The following OR52K1 variants were observed in gnomAD, a reference collection of about 807,000 sequenced individuals.
OR52K1 encodes olfactory receptor family 52 subfamily K member 1, also known as olfactory receptor 52K1.
Under a neutral mutation model 8.7 loss-of-function variants are expected in OR52K1, and 10 were observed. The ratio of observed to expected loss-of-function variants is 1.15; its 90% CI spans 0.71 to 1.95. The LOEUF (loss-of-function observed/expected upper bound fraction) is 1.95. Ranked by LOEUF, OR52K1 falls within the 30% of genes most tolerant of loss-of-function variation. OR52K1 has a pLI of 0.00. For missense variants in OR52K1, 431 were observed against 397.2 expected, an observed-to-expected ratio of 1.08 and a Z score of -0.72; for synonymous variants, 203 against 148.5, an observed-to-expected ratio of 1.37 and a Z score of -2.67.
In OR52K1 at chr11:4,492,573, G is replaced by A. The variant is rs554332008; in HGVS notation, c.*2728G>A. The A allele has an allele frequency of 2.0e-5, 3 of 152,314 alleles. No homozygotes were observed. The highest frequency in any genetic ancestry group is 4.1e-4 in the South Asian group (2 of 4,820). 9.4% of individuals were successfully genotyped at this position (152,314 alleles called of 1,614,324 possible). ...AGTTCTATCTTGCATTTCAACTCAT[G>A]ACAGCTCAAGACTGAATATTTAAAG... On this transcript the variant is annotated 3_prime_UTR_variant, in exon 2 of 2. Coordinates refer to ENST00000641528, the MANE Select transcript of OR52K1 (RefSeq NM_001005171.3).
chr11:4,485,348 G>A (rs566906366), intron 1 of OR52K1, among the ~76,000 whole-genome samples: 1 of 151,984 alleles, frequency 6.6e-6, no homozygotes, highest in African/African-American at 2.4e-5. Context: ...CAGTTTTGTG[G>A]CTTTAAATAT....
chr11:4,487,772 T>C (rs1653950017), intron 1 of OR52K1, among the ~76,000 whole-genome samples: 1 of 152,190 alleles, frequency 6.6e-6, no homozygotes, highest in Non-Finnish European at 1.5e-5. Context: ...AAGTACATTA[T>C]CTCATTTAAT....
chr11:4,483,952 T>G (rs777595613), intron 1 of OR52K1, among the ~76,000 whole-genome samples: 9 of 152,236 alleles, frequency 5.9e-5, no homozygotes, highest in Non-Finnish European at 7.3e-5. Flanking sequence ...AGAAGAGAAT[T>G]TTATTCTGAT....
chr11:4,489,408 T>A lies in OR52K1; in HGVS notation c.508T>A (p.Tyr170Asn). The change falls in exon 2 of 2, where the codon TAC becomes AAC. Residue 170 changes from tyrosine to asparagine, a missense_variant. Transcript: ENST00000641528. Reference sequence around the variant, plus strand: ...CCCCTTCCTGCTCAGACGCTTCCACTACTGCCGAGGCCCAGTGATTGCCCA... The same window carrying A: ...CCCCTTCCTGCTCAGACGCTTCCACAACTGCCGAGGCCCAGTGATTGCCCA... Reference protein sequence around the residue: ...PLPFLLRRFHYCRGPVIAHCY... With the variant: ...PLPFLLRRFHNCRGPVIAHCY... 6.2e-7 allele frequency: 1 copy of A among 1,614,224 alleles called. No individual in the cohort carries two copies.
At position 4,489,694 on chromosome 11, in the gene OR52K1, G is replaced by A. The variant is rs764742409; in HGVS notation, c.794G>A (p.Arg265His). 48 of 1,614,028 alleles carry A rather than the reference G, an allele frequency of 3.0e-5. 1 individual carries two copies. In the Middle Eastern group the frequency reaches 4.9e-4, roughly 17 times the overall value. The change falls in exon 2 of 2, where the codon CGT becomes CAT. Residue 265 changes from arginine (R) to histidine (H), a missense_variant. Coordinates refer to ENST00000641528, the MANE Select transcript of OR52K1 (RefSeq NM_001005171.3). ...GTAGTCATCTCTTCAGTCATGCACCGTGTAGCCCGCCATGCTGCCCCTCGT... is the reference window on the plus strand; with the variant it reads ...GTAGTCATCTCTTCAGTCATGCACCATGTAGCCCGCCATGCTGCCCCTCGT... Reference protein sequence around the residue: ...TPVVISSVMHRVARHAAPRVH... With the variant: ...TPVVISSVMHHVARHAAPRVH...
At chr11:4,486,230 A>C (rs547927658) in intron 1 of OR52K1, among the ~76,000 whole-genome samples, 4 of 152,340 alleles carry the variant, frequency 2.6e-5, no homozygotes, top group Admixed American at 2.6e-4. Context: ...AAATGCAAGG[A>C]AATCTACACT....
At chr11:4,484,916 T>A (rs1210499895) in intron 1 of OR52K1, among the ~76,000 whole-genome samples, 2 of 152,058 alleles carry the variant, frequency 1.3e-5, no homozygotes, top group Non-Finnish European at 2.9e-5. Context: ...TTACTTGCTG[T>A]CCTTTGCTTC....
chr11:4,483,822 G>A (rs892783617), intron 1 of OR52K1, among the ~76,000 whole-genome samples: 1 of 152,104 alleles, frequency 6.6e-6, no homozygotes, highest in African/African-American at 2.4e-5. Flanking sequence ...TTTCTTAGAC[G>A]CCAGGCATGT....
In OR52K1 at chr11:4,490,085, A is replaced by T. The variant is rs2133108887; in HGVS notation, c.*240A>T. ...ATTGTCATAGACTCATCACATGGCT[A>T]AGGAAGACAAACCTCTCAAAGTGGT... On this transcript the variant is annotated 3_prime_UTR_variant, in exon 2 of 2. Transcript: ENST00000641528. The T allele has an allele frequency of 6.3e-6, 3 of 473,618 alleles. No individual in the cohort carries two copies. In the East Asian group the frequency reaches 1.1e-4, roughly 17 times the overall value. 29.3% of individuals were successfully genotyped at this position (473,618 alleles called of 1,614,324 possible). A position where few individuals can be genotyped will look rare whatever the true frequency, so the allele number is the denominator to read the frequency against.
intron 1 of OR52K1, among the ~76,000 whole-genome samples, chr11:4,485,225 C>T (rs1269170562): frequency 3.3e-5 from 5 of 152,148 alleles, no homozygotes; most frequent in Non-Finnish European, 7.3e-5. Context: ...GTTTCCCTTG[C>T]GAATATCTCA....
At chr11:4,484,238 T>C (rs1846302852) in intron 1 of OR52K1, among the ~76,000 whole-genome samples, 1 of 152,178 alleles carries the variant, frequency 6.6e-6, no homozygotes, top group African/African-American at 2.4e-5. Context: ...AGGATAAATA[T>C]TGGAGAACAA....
rs1185131622 is a variant in OR52K1 at position 4,493,299 on chromosome 11, C to T, written c.*3454C>T. ...GAAACAGAGTCTTCTCTAACTCCCC[C>T]AGGGAAAGGGAGACTCCCTTTCTGG... On this transcript the variant is annotated 3_prime_UTR_variant, in exon 2 of 2. Coordinates refer to ENST00000641528, the MANE Select transcript of OR52K1 (RefSeq NM_001005171.3). 2 of 152,218 alleles carry T rather than the reference C, an allele frequency of 1.3e-5. No homozygotes were observed. The highest frequency in any genetic ancestry group is 4.8e-5 in the African/African-American group (2 of 41,444). The allele number at this position is 152,218 out of a possible 1,614,324, so 9.4% of individuals were successfully genotyped here. A position where few individuals can be genotyped will look rare whatever the true frequency, so the allele number is the denominator to read the frequency against.
In OR52K1 at chr11:4,489,732, CT is replaced by C; in HGVS notation, c.834del (p.Ala279LeufsTer57). The C allele has an allele frequency of 6.2e-7, 1 of 1,614,212 alleles. No individual in the cohort carries two copies. Among genetic ancestry groups the C allele is most frequent in the Non-Finnish European group, 8.5e-7 (1 of 1,180,034 alleles). On this transcript the variant is annotated frameshift_variant, in exon 2 of 2. Transcript: ENST00000641528. LOFTEE classifies it high-confidence loss of function. ...RHAAPRVHIL[L>X]AIFYLLFPPM... Reference sequence around the variant, plus strand: ...TGCTGCCCCTCGTGTCCACATACTCCTTGCTATTTTCTATCTCCTTTTCCCA... The same window carrying C: ...TGCTGCCCCTCGTGTCCACATACTCCTGCTATTTTCTATCTCCTTTTCCCA...
chr11:4,490,717 G>A lies in OR52K1; in HGVS notation c.*872G>A, dbSNP rs1471631086. The A allele has an allele frequency of 6.6e-6, 1 of 152,126 alleles. No homozygotes were observed. Among genetic ancestry groups the A allele is most frequent in the Non-Finnish European group, 1.5e-5 (1 of 68,030 alleles). 9.4% of individuals were successfully genotyped at this position (152,126 alleles called of 1,614,324 possible). ...TCAGTAATGGATCACCTATATGATG[G>A]TGATTGCATAACATTATAGTACCGT... On this transcript the variant is annotated 3_prime_UTR_variant, in exon 2 of 2. Coordinates refer to ENST00000641528, the MANE Select transcript of OR52K1 (RefSeq NM_001005171.3).
Position 4,490,139 on chromosome 11 carries a change from C to G in OR52K1, c.*294C>G, listed in dbSNP as rs1309602164. On this transcript the variant is annotated 3_prime_UTR_variant, in exon 2 of 2. Coordinates refer to ENST00000641528, the MANE Select transcript of OR52K1 (RefSeq NM_001005171.3). ...GTAATCTGGGTGAAAGACAGTAGGACCTTTATTGGCTGAGATTGGCCCAAA... is the reference window on the plus strand; with the variant it reads ...GTAATCTGGGTGAAAGACAGTAGGAGCTTTATTGGCTGAGATTGGCCCAAA... 3.2e-6 allele frequency: 1 copy of G among 312,254 alleles called. No individual in the cohort carries two copies. The highest frequency in any genetic ancestry group is 5.9e-6 in the Non-Finnish European group (1 of 169,674). 19.3% of individuals were successfully genotyped at this position (312,254 alleles called of 1,614,324 possible).
chr11:4,485,216 T>C (rs531420366), intron 1 of OR52K1, among the ~76,000 whole-genome samples: 2 of 152,340 alleles, frequency 1.3e-5, no homozygotes, highest in Non-Finnish European at 2.9e-5. Context: ...CCACTGTCAG[T>C]TTCCCTTGCG....
chr11:4,490,395 C>T lies in OR52K1; in HGVS notation c.*550C>T, dbSNP rs1335280000. The stretch of plus-strand genomic sequence containing the variant: ...AGTAGATCTATTTCTTCCATTAAGT[C>T]AATTCCTCTTTTACTTCCTTCCTGA... On this transcript the variant is annotated 3_prime_UTR_variant, in exon 2 of 2. Coordinates refer to ENST00000641528, the MANE Select transcript of OR52K1 (RefSeq NM_001005171.3). The T allele has an allele frequency of 6.5e-6, 1 of 153,264 alleles. No individual in the cohort carries two copies. Among genetic ancestry groups the T allele is most frequent in the Non-Finnish European group, 1.5e-5 (1 of 68,788 alleles). 9.5% of individuals were successfully genotyped at this position (153,264 alleles called of 1,614,324 possible). A position where few individuals can be genotyped will look rare whatever the true frequency, so the allele number is the denominator to read the frequency against.
At position 4,489,619 on chromosome 11, in the gene OR52K1, T is replaced by G. The variant is rs780332364; in HGVS notation, c.719T>G (p.Phe240Cys). 2.5e-6 allele frequency: 4 copies of G among 1,614,036 alleles called. No homozygotes were observed. In the African/African-American group the frequency reaches 5.3e-5, roughly 22 times the overall value. ...LASQEARYKA[F>C]GTCVSHIGAI... ...TCTCAGGAGGCCCGCTACAAGGCAT[T>G]TGGGACATGTGTGTCTCACATAGGT... is the stretch of plus-strand genomic sequence containing the variant. Residue 240 changes from phenylalanine to cysteine, a missense_variant, in exon 2 of 2, where the codon TTT becomes TGT. Phe to Cys is a radical substitution (Grantham distance 205). Coordinates refer to ENST00000641528, the MANE Select transcript of OR52K1 (RefSeq NM_001005171.3).
intron 1 of OR52K1, among the ~76,000 whole-genome samples, chr11:4,486,915 C>G (rs1380949944): frequency 1.3e-5 from 2 of 152,160 alleles, no homozygotes; most frequent in East Asian, 1.9e-4. Context: ...GTGAGACACT[C>G]TGGAGCTGGG....
Sources: allele counts gnomAD v4.1 joint callset (sites outside exome capture counted in the v4.1 genomes callset), GRCh38; gene constraint gnomAD v4.1.1; transcripts MANE v1.5; gene names NCBI Gene and HGNC (gene_info 2026-07-23, HGNC 2026-07-21).